Variants in RORB observed in about 807,000 individuals in gnomAD.
The protein encoded by RORB is nuclear receptor ROR-beta.
A neutral mutation model predicts 59.1 loss-of-function variants in RORB; 6 were observed. The ratio of observed to expected loss-of-function variants is 0.10; its 90% confidence interval spans 0.06 to 0.20. The LOEUF (loss-of-function observed/expected upper bound fraction) is 0.20, where lower values mean the gene tolerates loss of function less well. Among genes scored for constraint, RORB ranks in the 10% least tolerant of loss-of-function variants. RORB has a pLI of 1.00. For synonymous variants in RORB, 215 were observed against 204.5 expected (o/e 1.05, Z -0.44); for missense variants, 320 against 560.5 (o/e 0.57, Z 4.33).
At chr9:74,586,864 A>G (rs930965653) in intron 1 of RORB, among the ~76,000 whole-genome samples, 2 of 152,148 alleles carry the variant, frequency 1.3e-5, no homozygotes, top group African/African-American at 2.4e-5. Flanking sequence ...CATACAATTA[A>G]CAATGTAGCC....
chr9:74,640,713 C>T lies in RORB; in HGVS notation c.236-1701C>T, dbSNP rs566774764. 3.3e-5 allele frequency among the ~76,000 whole-genome samples: 5 copies of T among 152,278 alleles called. No homozygotes were observed. The East Asian group carries it at 5.8e-4, about 18-fold the overall frequency. On this transcript the variant is annotated intron_variant, in intron 3 of 9. Transcript: ENST00000376896. ...ATGCCCCAATACCCCCAAGTGAATG[C>T]GACACTTGCATTTACTTCCCCTTAA...
At chr9:74,671,467 C>G (rs547966055) in intron 8 of RORB, among the ~76,000 whole-genome samples, 2 of 152,122 alleles carry the variant, frequency 1.3e-5, no homozygotes, top group Non-Finnish European at 2.9e-5. Flanking sequence ...CTAACTTCTA[C>G]TTTGAAAGAA....
rs946775241 is a variant in RORB, at chr9:74,690,982, A to G, written c.*5364A>G. ...ACTTCAATATCTGTGACAAGTTTTTATTTTCCCTTAGTTGTATGTGAAGAA... is the reference window on the plus strand; with the variant it reads ...ACTTCAATATCTGTGACAAGTTTTTGTTTTCCCTTAGTTGTATGTGAAGAA... On this transcript the variant is annotated 3_prime_UTR_variant, in exon 10 of 10. Transcript: ENST00000376896. The G allele has an allele frequency of 6.6e-6, 1 of 152,018 alleles. No individual in the cohort carries two copies. Among genetic ancestry groups the G allele is most frequent in the African/African-American group, 2.4e-5 (1 of 41,386 alleles). The allele number at this position is 152,018 out of a possible 1,614,324, so 9.4% of individuals were successfully genotyped here.
chr9:74,609,688 C>T (rs956123289), intron 1 of RORB, among the ~76,000 whole-genome samples: 4 of 152,186 alleles, frequency 2.6e-5, no homozygotes, highest in African/African-American at 9.7e-5. Flanking sequence ...GTATAATTTT[C>T]ATCTCTACTT....
intron 1 of RORB, among the ~76,000 whole-genome samples, chr9:74,583,812 T>C (rs890298266): frequency 1.3e-5 from 2 of 152,234 alleles, no homozygotes; most frequent in Admixed American, 1.3e-4. Flanking sequence ...AATCCAAATA[T>C]GCTCAGTGTT....
chr9:74,550,223 GA>G (rs546768765), intron 1 of RORB, among the ~76,000 whole-genome samples: 33 of 151,638 alleles, frequency 2.2e-4, no homozygotes, highest in African/African-American at 3.1e-4. Context: ...ACTTAAAGAA[GA>G]AAAAAAATCT....
intron 1 of RORB, among the ~76,000 whole-genome samples, chr9:74,576,175 T>C (rs1360045560): frequency 1.3e-5 from 2 of 152,156 alleles, no homozygotes; most frequent in African/African-American, 2.4e-5. Context: ...TTAGGTTTGA[T>C]TCCAGTAAAA....
intron 1 of RORB, among the ~76,000 whole-genome samples, chr9:74,556,522 A>T (rs1191148812): frequency 6.6e-6 from 1 of 152,176 alleles, no homozygotes; most frequent in Non-Finnish European, 1.5e-5. Flanking sequence ...ATCCACAGCG[A>T]CCAAGCAGAT....
At chr9:74,613,898 G>C (rs1440862642) in intron 1 of RORB, among the ~76,000 whole-genome samples, 2 of 152,170 alleles carry the variant, frequency 1.3e-5, no homozygotes, top group Non-Finnish European at 2.9e-5. Flanking sequence ...TTGCTTTAAA[G>C]GTCATGATTT....
At position 74,660,701 on chromosome 9, in the gene RORB, C is replaced by A. The variant is rs1477422756; in HGVS notation, c.722C>A (p.Thr241Asn). 6.2e-7 allele frequency: 1 copy of A among 1,613,698 alleles called. No homozygotes were observed. Among genetic ancestry groups the A allele is most frequent in the Non-Finnish European group, 8.5e-7 (1 of 1,179,832 alleles). ...MEELHQLAWQ[T>N]HTYEEIKAYQ... ...GAGCTGCACCAGCTGGCGTGGCAGA[C>A]CCACACCTATGAAGAAATTAAAGCA... Residue 241 changes from threonine to asparagine, a missense_variant, in exon 5 of 10, where the codon ACC becomes AAC. Thr to Asn is a moderately conservative substitution (Grantham distance 65). Transcript: ENST00000376896.
At chr9:74,523,819 T>G (rs1049782554) in intron 1 of RORB, among the ~76,000 whole-genome samples, 2 of 151,880 alleles carry the variant, frequency 1.3e-5, no homozygotes, top group African/African-American at 4.8e-5. Context: ...TGAATTAATA[T>G]TAAGTATGGC....
At chr9:74,589,238 G>T (rs1051735724) in intron 1 of RORB, among the ~76,000 whole-genome samples, 1 of 152,208 alleles carries the variant, frequency 6.6e-6, no homozygotes, top group Non-Finnish European at 1.5e-5. Context: ...AATTAAGGAA[G>T]TAGAGAGTTT....
In RORB at chr9:74,584,579, T is replaced by C. The variant is rs1405185710; in HGVS notation, c.8-45703T>C. Among the ~76,000 whole-genome samples, 4 of 152,336 alleles carry C rather than the reference T, an allele frequency of 2.6e-5. No individual in the cohort carries two copies. In the East Asian group the frequency reaches 7.7e-4, roughly 29 times the overall value. ...TCTGGGACTTTCACCATGCCGTTTA[T>C]TGCATCAGAAAGGTTATCTGTTGGT... On this transcript the variant is annotated intron_variant, in intron 1 of 9. Coordinates refer to ENST00000376896, the MANE Select transcript of RORB (RefSeq NM_006914.4).
rs973058485 is a variant in RORB at position 74,691,092 on chromosome 9, G to C, written c.*5474G>C. ...CCTATGCAGCAGATGGGGGTTGTCTGTTTGTGCACTTTTTTCCTAAGCTGC... is the reference window on the plus strand; with the variant it reads ...CCTATGCAGCAGATGGGGGTTGTCTCTTTGTGCACTTTTTTCCTAAGCTGC... On this transcript the variant is annotated 3_prime_UTR_variant, in exon 10 of 10. Coordinates refer to ENST00000376896, the MANE Select transcript of RORB (RefSeq NM_006914.4). 2.6e-5 allele frequency: 4 copies of C among 152,234 alleles called. No homozygotes were observed. The highest frequency in any genetic ancestry group is 5.9e-5 in the Non-Finnish European group (4 of 68,080). The allele number at this position is 152,234 out of a possible 1,614,324, so 9.4% of individuals were successfully genotyped here. A position where few individuals can be genotyped will look rare whatever the true frequency, so the allele number is the denominator to read the frequency against.
chr9:74,592,935 C>T (rs78944102), intron 1 of RORB, among the ~76,000 whole-genome samples: 2 of 152,098 alleles, frequency 1.3e-5, no homozygotes, highest in East Asian at 1.9e-4. Flanking sequence ...AGAAGGCCTG[C>T]GAGGAGCTTT....
At chr9:74,610,789 C>G (rs912999258) in intron 1 of RORB, among the ~76,000 whole-genome samples, 1 of 152,186 alleles carries the variant, frequency 6.6e-6, no homozygotes, top group African/African-American at 2.4e-5. Flanking sequence ...GAGCATGCCT[C>G]AGAACCATCC....
chr9:74,539,317 G>C (rs977047670), intron 1 of RORB, among the ~76,000 whole-genome samples: 24 of 152,026 alleles, frequency 1.6e-4, no homozygotes, highest in African/African-American at 5.8e-4. Context: ...GATGTTGCTG[G>C]TTTCTCTTTA....
chr9:74,589,424 A>T (rs1340923344), intron 1 of RORB, among the ~76,000 whole-genome samples: 1 of 152,112 alleles, frequency 6.6e-6, no homozygotes, highest in African/African-American at 2.4e-5. Flanking sequence ...CCATGAGTCA[A>T]TGTTAAGAGC....
intron 1 of RORB, among the ~76,000 whole-genome samples, chr9:74,588,997 A>G (rs1822849578): frequency 6.6e-6 from 1 of 152,212 alleles, no homozygotes; most frequent in Non-Finnish European, 1.5e-5. Flanking sequence ...TGCTTAGGAA[A>G]ATAATTATTG....
Sources: gnomAD v4.1 joint callset for allele counts (sites outside exome capture counted in the v4.1 genomes callset) on GRCh38, gnomAD v4.1.1 for gene constraint, MANE v1.5 for transcripts, NCBI Gene and HGNC (gene_info 2026-07-23, HGNC 2026-07-21) for gene names.